DCT: variants seen among roughly 807,000 people sequenced by gnomAD.
The protein encoded by DCT is dopachrome tautomerase.
In DCT, 47 loss-of-function variants were observed where a neutral mutation model predicts 53.0. The observed-to-expected ratio is 0.89, with a 90% confidence interval of 0.70 to 1.13. The LOEUF is 1.13. DCT is among the 50% of genes most tolerant of loss of function. The probability of loss-of-function intolerance (pLI) is 0.00; values close to 1 mark genes in which losing one functional copy is unlikely to be tolerated. For synonymous variants in DCT, 244 were observed against 237.0 expected (o/e 1.03, Z -0.27); for missense variants, 669 against 637.4 (o/e 1.05, Z -0.53).
chr13:94,532,332 C>T, the DCT span, among the ~76,000 whole-genome samples: 37 of 152,286 alleles, frequency 2.4e-4, no homozygotes, highest in African/African-American at 7.0e-4. Flanking sequence ...AAGACACATG[C>T]ACACATATGT....
the DCT span, among the ~76,000 whole-genome samples, chr13:94,514,791 A>G: frequency 6.6e-6 from 1 of 152,230 alleles, no homozygotes; most frequent in South Asian, 2.1e-4. Context: ...ATTAGACTGC[A>G]GACAGTGAGG....
the DCT span, among the ~76,000 whole-genome samples, chr13:94,537,222 G>A: frequency 2.6e-5 from 4 of 152,102 alleles, no homozygotes; most frequent in African/African-American, 7.2e-5. Context: ...AAATTTCTCT[G>A]AACACAAAAT....
At chr13:94,498,724 G>A in the DCT span, among the ~76,000 whole-genome samples, 1 of 152,222 alleles carries the variant, frequency 6.6e-6, no homozygotes, top group African/African-American at 2.4e-5. Context: ...GTCGAGTGGG[G>A]ACTTGGAGAA....
Position 94,465,254 on chromosome 13 carries a change from A to G in DCT, c.863+379T>C, listed in dbSNP as rs1316103062. On this transcript the variant is annotated intron_variant, in intron 4 of 7. Transcript: ENST00000377028. ...GCAGTACCACATCACATGGGATATG[A>G]TTGGTGCTTAGCAAATGTTGATTGA... Among the ~76,000 whole-genome samples the G allele has an allele frequency of 2.6e-5, 4 of 152,208 alleles. No homozygotes were observed. In the East Asian group the frequency reaches 7.7e-4, roughly 29 times the overall value.
At position 94,437,399 on chromosome 13, in the gene DCT, T is replaced by C. The variant is rs1594259796; in HGVS notation, c.*2499A>G. The C allele has an allele frequency of 6.6e-6, 1 of 152,218 alleles. No individual in the cohort carries two copies. The highest frequency in any genetic ancestry group is 2.4e-5 in the African/African-American group (1 of 41,466). 9.4% of individuals were successfully genotyped at this position (152,218 alleles called of 1,614,324 possible). A position where few individuals can be genotyped will look rare whatever the true frequency, so the allele number is the denominator to read the frequency against. ...AAACTAGTCATTAAAAGTATTATAATTAACAATGTTAAATCCTAAGCAAGA... is the reference window on the plus strand; with the variant it reads ...AAACTAGTCATTAAAAGTATTATAACTAACAATGTTAAATCCTAAGCAAGA... On this transcript the variant is annotated 3_prime_UTR_variant, in exon 8 of 8. Transcript: ENST00000377028.
chr13:94,498,420 G>T, the DCT span, among the ~76,000 whole-genome samples: 9,286 of 152,282 alleles, frequency 0.061, 346 homozygotes, highest in Non-Finnish European at 0.076. Context: ...ATAGCATTAG[G>T]AGGTGGAGCC....
At chr13:94,451,750 T>C (rs1883108757) in intron 6 of DCT, among the ~76,000 whole-genome samples, 1 of 152,196 alleles carries the variant, frequency 6.6e-6, no homozygotes, top group Non-Finnish European at 1.5e-5. Flanking sequence ...ATGTTTTCAG[T>C]GATCACATTC....
At chr13:94,534,298 AG>A in the DCT span, among the ~76,000 whole-genome samples, 13 of 152,362 alleles carry the variant, frequency 8.5e-5, no homozygotes, top group Middle Eastern at 3.4e-3. Flanking sequence ...GTCTCCTCAA[AG>A]GAAGAACTGC....
At chr13:94,461,621 T>A (rs1164064282) in intron 5 of DCT, among the ~76,000 whole-genome samples, 3 of 152,208 alleles carry the variant, frequency 2.0e-5, no homozygotes, top group African/African-American at 7.2e-5. Flanking sequence ...CAGACCTCAC[T>A]ATTAAGTTCT....
the DCT span, among the ~76,000 whole-genome samples, chr13:94,537,456 C>T: frequency 1.3e-5 from 2 of 152,206 alleles, no homozygotes; most frequent in Non-Finnish European, 2.9e-5. Flanking sequence ...AAGTTAGTGT[C>T]CTGGCAGATG....
At chr13:94,491,428 G>T in the DCT span, among the ~76,000 whole-genome samples, 1 of 152,068 alleles carries the variant, frequency 6.6e-6, no homozygotes, top group African/African-American at 2.4e-5. Flanking sequence ...ACTCCAGTAT[G>T]ACCTCATCTT....
chr13:94,531,818 G>T, the DCT span, among the ~76,000 whole-genome samples: 3 of 152,100 alleles, frequency 2.0e-5, no homozygotes, highest in East Asian at 3.9e-4. Context: ...AAGAGCTTCT[G>T]CACAGCAAAA....
chr13:94,488,847 CAT>C, the DCT span, among the ~76,000 whole-genome samples: 5 of 139,932 alleles, frequency 3.6e-5, no homozygotes, highest in African/African-American at 7.9e-5. Flanking sequence ...TATACACACA[CAT>C]ATGTACACAT....
At position 94,443,547 on chromosome 13, in the gene DCT, T is replaced by G. The variant is rs756489816; in HGVS notation, c.1270A>C (p.Ile424Leu). The change falls in exon 7 of 8, where the codon ATT (isoleucine) becomes CTT (leucine). Residue 424 changes from isoleucine (I) to leucine (L), a missense_variant. Ile to Leu is a conservative substitution (Grantham distance 5). Transcript: ENST00000377028. ...ADAWPQELAP[I>L]GHNRMYNMVP... ...ATGTTGTACATCCGATTGTGACCAA[T>G]AGGGGCCAGCTCCTGAGGCCAGGCA... is the stretch of plus-strand genomic sequence containing the variant. The G allele has an allele frequency of 6.2e-7, 1 of 1,613,784 alleles. No homozygotes were observed. Among genetic ancestry groups the G allele is most frequent in the Non-Finnish European group, 8.5e-7 (1 of 1,179,854 alleles).
intron 5 of DCT, among the ~76,000 whole-genome samples, chr13:94,460,640 G>GCTTC (rs1426434292): frequency 8.6e-5 from 13 of 151,938 alleles, no homozygotes; most frequent in African/African-American, 2.9e-4. Context: ...CTTGACTGAA[G>GCTTC]GTCCAGCTAC....
chr13:94,544,929 A>G, the DCT span, among the ~76,000 whole-genome samples: 40,458 of 152,072 alleles, frequency 0.27, 6,618 homozygotes, highest in East Asian at 0.61. Flanking sequence ...CAATTATAGC[A>G]GCTCGGTCTC....
rs968443929 is a variant in DCT at position 94,466,599 on chromosome 13, A to G, written c.655T>C (p.Trp219Arg). ...AGACACAACAAATGGTACCGGTGCC[A>G]GGTAACAAATGCAGGTCCTTGATGT... ...FSHQGPAFVT[W>R]HRYHLLCLER... is the part of the protein sequence containing the mutation. The change falls in exon 3 of 8, where the codon TGG becomes CGG. Residue 219 changes from tryptophan (W) to arginine (R), a missense_variant. Transcript: ENST00000377028. 6.2e-7 allele frequency: 1 copy of G among 1,612,364 alleles called. No individual in the cohort carries two copies. Among genetic ancestry groups the G allele is most frequent in the Non-Finnish European group, 8.5e-7 (1 of 1,179,040 alleles).
In DCT at chr13:94,439,915, A is replaced by C. The variant is rs747401654; in HGVS notation, c.1543T>G (p.Tyr515Asp). The C allele has an allele frequency of 1.2e-6, 2 of 1,613,676 alleles. No homozygotes were observed. Among genetic ancestry groups the C allele is most frequent in the South Asian group, 2.2e-5 (2 of 90,960 alleles). The change falls in exon 8 of 8, where the codon TAC becomes GAC. Residue 515 changes from tyrosine (Y) to aspartate (D), a missense_variant. Transcript: ENST00000377028. ...LMETHLSSKR[Y>D]TEEA is the part of the protein sequence containing the mutation. ...TGAGCACCCTAGGCTTCTTCTGTGTATCTCTTGCTGCTTAAATGTGTCTCC... is the reference window on the plus strand; with the variant it reads ...TGAGCACCCTAGGCTTCTTCTGTGTCTCTCTTGCTGCTTAAATGTGTCTCC...
chr13:94,514,210 A>C, the DCT span, among the ~76,000 whole-genome samples: 1 of 152,062 alleles, frequency 6.6e-6, no homozygotes, highest in East Asian at 1.9e-4. Context: ...CTAATGAAAT[A>C]CGGAAAGAGC....
Sources: gnomAD v4.1 joint callset for allele counts (sites outside exome capture counted in the v4.1 genomes callset) on GRCh38, gnomAD v4.1.1 for gene constraint, MANE v1.5 for transcripts, NCBI Gene and HGNC (gene_info 2026-07-23, HGNC 2026-07-21) for gene names.